The following ST18 variants were observed in gnomAD, a reference collection of about 807,000 sequenced individuals.
ST18 encodes the protein suppression of tumorigenicity 18 protein.
Under a neutral mutation model 110.0 loss-of-function variants are expected in ST18, and 50 were observed. The ratio of observed to expected loss-of-function variants is 0.45; its 90% confidence interval spans 0.36 to 0.58. The LOEUF (loss-of-function observed/expected upper bound fraction) is 0.58. ST18 is among the 20% of genes least tolerant of loss of function. The probability of loss-of-function intolerance (pLI) is 0.00; values close to 1 mark genes in which losing one functional copy is unlikely to be tolerated. For missense variants in ST18, 1,306 were observed against 1,280.1 expected (o/e 1.02, Z -0.31); for synonymous variants, 461 against 452.4 (o/e 1.02, Z -0.24).
chr8:52,132,185 G>A lies in ST18; in HGVS notation c.2445-6C>T, dbSNP rs780263967. 2.5e-6 allele frequency: 4 copies of A among 1,605,184 alleles called. No individual in the cohort carries two copies. The highest frequency in any genetic ancestry group is 3.4e-6 in the Non-Finnish European group (4 of 1,176,068). On this transcript the variant is annotated splice_region_variant and splice_polypyrimidine_tract_variant and intron_variant, in intron 21 of 25. Transcript: ENST00000689386. ...CACACCCTATCACAGGACATCTAGA[G>A]AGAAAGCAGAGACATTACCAGCCAG... is the stretch of plus-strand genomic sequence containing the variant.
At chr8:52,274,775 C>A (rs2095184616) in intron 2 of ST18, among the ~76,000 whole-genome samples, 1 of 152,124 alleles carries the variant, frequency 6.6e-6, no homozygotes, top group Non-Finnish European at 1.5e-5. Flanking sequence ...GTCCAGATTT[C>A]CAGTCATGTT....
At chr8:52,130,730 C>T (rs1586547971) in intron 22 of ST18, among the ~76,000 whole-genome samples, 2 of 152,220 alleles carry the variant, frequency 1.3e-5, no homozygotes. Flanking sequence ...CTCACCAAGC[C>T]TTGGCATCAT....
chr8:52,288,530 T>C (rs974341446), intron 2 of ST18, among the ~76,000 whole-genome samples: 1 of 151,728 alleles, frequency 6.6e-6, no homozygotes. Flanking sequence ...TGAAATCCCA[T>C]CTCTACTAAA....
intron 2 of ST18, among the ~76,000 whole-genome samples, chr8:52,269,178 G>T (rs1260631532): frequency 3.3e-5 from 5 of 152,212 alleles, no homozygotes; most frequent in Non-Finnish European, 5.9e-5. Flanking sequence ...CTTTACACCT[G>T]AATAAGTGAC....
At chr8:52,298,823 T>A (rs1335248680) in intron 2 of ST18, among the ~76,000 whole-genome samples, 1 of 152,216 alleles carries the variant, frequency 6.6e-6, no homozygotes, top group Non-Finnish European at 1.5e-5. Flanking sequence ...AATACTGTTT[T>A]GCTGGGTTTT....
intron 2 of ST18, among the ~76,000 whole-genome samples, chr8:52,252,229 GTTAC>G (rs1465207990): frequency 6.6e-6 from 1 of 151,992 alleles, no homozygotes; most frequent in Admixed American, 6.6e-5. Flanking sequence ...GAGTAAGGTT[GTTAC>G]TTACTGCAAG....
intron 24 of ST18, among the ~76,000 whole-genome samples, chr8:52,117,877 CT>C (rs2043109303): frequency 6.6e-6 from 1 of 152,188 alleles, no homozygotes; most frequent in African/African-American, 2.4e-5. Context: ...TGAGAAATTG[CT>C]TGGGCTTTTA....
chr8:52,384,974 C>T (rs1232526987), intron 2 of ST18, among the ~76,000 whole-genome samples: 1 of 152,186 alleles, frequency 6.6e-6, no homozygotes, highest in African/African-American at 2.4e-5. Flanking sequence ...TAATTCATTT[C>T]AAGAGAAACA....
At chr8:52,193,086 G>A (rs1037572302) in intron 8 of ST18, among the ~76,000 whole-genome samples, 1 of 152,174 alleles carries the variant, frequency 6.6e-6, no homozygotes, top group Non-Finnish European at 1.5e-5. Context: ...AGAATCTGAA[G>A]GTCATGGTGA....
chr8:52,311,853 A>C (rs1305017939), intron 2 of ST18, among the ~76,000 whole-genome samples: 1 of 152,218 alleles, frequency 6.6e-6, no homozygotes, highest in Admixed American at 6.5e-5. Flanking sequence ...ATGACAGTTC[A>C]ACATGAGATT....
rs371799635 is a variant in ST18, at chr8:52,340,218, A to G, written c.-465+69110T>C. ...GCCTCAACTCTAAGAAAGAGTTACA[A>G]CATTATTCCAACACTGAAATTATTT... is the stretch of plus-strand genomic sequence containing the variant. On this transcript the variant is annotated intron_variant, in intron 2 of 25. Transcript: ENST00000689386. 1.1e-4 allele frequency among the ~76,000 whole-genome samples: 17 copies of G among 152,334 alleles called. No individual in the cohort carries two copies. The East Asian group carries it at 1.5e-3, about 14-fold the overall frequency.
chr8:52,169,189 G>A (rs1244553105), intron 10 of ST18, among the ~76,000 whole-genome samples: 1 of 152,166 alleles, frequency 6.6e-6, no homozygotes, highest in African/African-American at 2.4e-5. Context: ...CTGGAGAGCA[G>A]AACCTGTTTG....
chr8:52,327,489 G>T (rs1589942573), intron 2 of ST18, among the ~76,000 whole-genome samples: 1 of 152,210 alleles, frequency 6.6e-6, no homozygotes, highest in Non-Finnish European at 1.5e-5. Context: ...GGGTACCATT[G>T]TCCTGTGATC....
chr8:52,135,332 G>A (rs562628155), intron 19 of ST18, among the ~76,000 whole-genome samples: 7 of 151,982 alleles, frequency 4.6e-5, no homozygotes, highest in Admixed American at 1.3e-4. Flanking sequence ...AGGCCGAGGC[G>A]GGCAGATCAC....
chr8:52,343,576 C>T (rs936084628), intron 2 of ST18, among the ~76,000 whole-genome samples: 14 of 152,272 alleles, frequency 9.2e-5, no homozygotes, highest in African/African-American at 3.1e-4. Flanking sequence ...CGCAGTGGAG[C>T]CATCGCTGAC....
intron 11 of ST18, 82 bp from the exon 12 acceptor site, chr8:52,165,307 C>T (rs2062603472): frequency 7.2e-7 from 1 of 1,383,368 alleles, no homozygotes. Context: ...CTCAACTTTG[C>T]ATTTAAATGA....
chr8:52,340,909 A>G (rs564363115), intron 2 of ST18, among the ~76,000 whole-genome samples: 25 of 152,374 alleles, frequency 1.6e-4, no homozygotes, highest in Admixed American at 1.2e-3. Flanking sequence ...AACGTTTCAC[A>G]AAAGAACTTA....
chr8:52,130,131 G>GAA (rs1294629932), intron 22 of ST18, among the ~76,000 whole-genome samples: 1 of 137,954 alleles, frequency 7.2e-6, no homozygotes, highest in South Asian at 2.3e-4. Flanking sequence ...AAGAAAGAAA[G>GAA]AAAGAAAGAA....
At chr8:52,378,886 A>G (rs1398515723) in intron 2 of ST18, among the ~76,000 whole-genome samples, 2 of 152,134 alleles carry the variant, frequency 1.3e-5, no homozygotes, top group Admixed American at 6.5e-5. Flanking sequence ...TTGTCATGAC[A>G]AGCAAAATAG....
Sources: gnomAD v4.1 joint callset for allele counts (sites outside exome capture counted in the v4.1 genomes callset) on GRCh38, gnomAD v4.1.1 for gene constraint, MANE v1.5 for transcripts, NCBI Gene and HGNC (gene_info 2026-07-23, HGNC 2026-07-21) for gene names.